Variants in RNF213 observed in about 807,000 individuals in gnomAD.
RNF213 encodes the protein E3 ubiquitin-protein ligase RNF213.
RNF213 carries 341 observed loss-of-function variants against 514.4 expected under a neutral mutation model. The observed-to-expected ratio is 0.66, with a 90% CI of 0.61 to 0.73. RNF213 has a LOEUF of 0.73. Ranked by LOEUF, RNF213 falls within the 30% of genes least tolerant of loss-of-function variation. The pLI is 0.00. For synonymous variants in RNF213, 2,655 were observed against 2,658.2 expected (o/e 1.00, Z 0.04); for missense variants, 5,767 against 6,615.6 (o/e 0.87, Z 4.45).
chr17:80,335,201 A>G (rs2077953738), intron 22 of RNF213, among the ~76,000 whole-genome samples: 1 of 152,132 alleles, frequency 6.6e-6, no homozygotes, highest in Non-Finnish European at 1.5e-5. Flanking sequence ...GGCGTGAGCA[A>G]GTACAGGCGT....
In RNF213 at chr17:80,317,077, G is replaced by A. The variant is rs562666773; in HGVS notation, c.2812-111G>A. On this transcript the variant is annotated intron_variant, in intron 15 of 67. Coordinates refer to ENST00000582970, the MANE Select transcript of RNF213 (RefSeq NM_001256071.3). This position sits in a 1 kb window ranked among gnomAD's most constrained non-coding sequence, Gnocchi z 4.1. ...GGTTGGGGAGAGCCCTGGTGTTCGC[G>A]GAGTCCCGCGCTCTCTGTATTGCCG... The A allele has an allele frequency of 8.1e-5, 95 of 1,166,692 alleles. No homozygotes were observed. The highest frequency in any genetic ancestry group is 1.1e-4 in the Non-Finnish European group (89 of 795,900). The allele number at this position is 1,166,692 out of a possible 1,614,324, so 72.3% of individuals were successfully genotyped here. A position where few individuals can be genotyped will look rare whatever the true frequency, so the allele number is the denominator to read the frequency against.
intron 21 of RNF213, 130 bp downstream of exon 21, chr17:80,332,761 G>A (rs867549626): frequency 7.3e-6 from 8 of 1,093,450 alleles, no homozygotes; most frequent in Middle Eastern, 3.1e-4. Context: ...GCTCCTGTGT[G>A]TGTGGTACTT....
intron 11 of RNF213, among the ~76,000 whole-genome samples, chr17:80,304,026 G>A (rs1240305942): frequency 1.3e-5 from 2 of 150,732 alleles, no homozygotes; most frequent in African/African-American, 4.9e-5. Context: ...TATTTACCTA[G>A]AAAGGCTAGA....
chr17:80,381,117 A>G (rs2079982046), intron 56 of RNF213, 130 bp downstream of exon 56: 3 of 925,566 alleles, frequency 3.2e-6, no homozygotes, highest in Admixed American at 1.7e-5. Flanking sequence ...ACAAAGTAAT[A>G]TACAAGTTAT....
intron 49 of RNF213, among the ~76,000 whole-genome samples, chr17:80,373,726 G>A (rs36054053): frequency 0.015 from 2,323 of 152,056 alleles, 27 homozygotes; most frequent in Middle Eastern, 0.048. Flanking sequence ...GCTGGGCACA[G>A]TGGCTCTCAC....
chr17:80,287,176 A>ACGG (rs2044501419), intron 3 of RNF213, among the ~76,000 whole-genome samples: 1 of 127,268 alleles, frequency 7.9e-6, no homozygotes, highest in African/African-American at 3.3e-5. Flanking sequence ...CCTGAGCAAC[A>ACGG]TGGGAGACTC....
At chr17:80,303,178 A>C (rs926598238) in intron 11 of RNF213, among the ~76,000 whole-genome samples, 10 of 152,178 alleles carry the variant, frequency 6.6e-5, no homozygotes, top group Admixed American at 4.6e-4. Flanking sequence ...GCAGGCAGTT[A>C]ATACATCAGT....
rs763130760 is a variant in RNF213 at position 80,372,714 on chromosome 17, C to T, written c.12731C>T (p.Ser4244Leu). 2.5e-5 allele frequency: 41 copies of T among 1,613,656 alleles called. No individual in the cohort carries two copies. Among genetic ancestry groups the T allele is most frequent in the African/African-American group, 4.0e-5 (3 of 75,054 alleles). Residue 4244 changes from serine to leucine, a missense_variant, in exon 48 of 68, where the codon TCG becomes TTG. Physicochemically the swap from Ser to Leu is moderately radical, Grantham distance 145 (BLOSUM62 -2). This residue lies in a region of RNF213 where 1,245 missense variants were observed against 1,339.0 expected (regional missense o/e 0.93). Coordinates refer to ENST00000582970, the MANE Select transcript of RNF213 (RefSeq NM_001256071.3). ...CTCGACAGAGCTGCAGATTTCCTCTCGGAGCCTGAGGGAGGCCCAGGCAAG... is the reference window on the plus strand; with the variant it reads ...CTCGACAGAGCTGCAGATTTCCTCTTGGAGCCTGAGGGAGGCCCAGGCAAG... ...LCLDRAADFL[S>L]EPEGGPEMAK...
intron 8 of RNF213, 74 bp downstream of exon 8, chr17:80,291,901 T>C (rs1219476178): frequency 2.6e-6 from 4 of 1,518,084 alleles, no homozygotes; most frequent in Non-Finnish European, 3.6e-6. Context: ...TGGACGCGTC[T>C]CTCTGGAGAG....
rs1480688922 is a variant in RNF213, at chr17:80,397,331, GGGA to G, written c.*3838_*3840del. On this transcript the variant is annotated 3_prime_UTR_variant, in exon 68 of 68. Transcript: ENST00000582970. ...GTGAAATATCTGTCAGTGCTCTTAA[GGGA>G]GGAGACCACCCCACATATTGTCTTA... 1 of 152,080 alleles carries G rather than the reference GGGA, an allele frequency of 6.6e-6. No homozygotes were observed. Among genetic ancestry groups the G allele is most frequent in the African/African-American group, 2.4e-5 (1 of 41,402 alleles). The allele number at this position is 152,080 out of a possible 1,614,324, so 9.4% of individuals were successfully genotyped here. A position where few individuals can be genotyped will look rare whatever the true frequency, so the allele number is the denominator to read the frequency against.
At chr17:80,321,548 T>G (rs1438017325) in intron 17 of RNF213, 5 of 152,224 alleles carry the variant, frequency 3.3e-5, no homozygotes, top group Non-Finnish European at 7.3e-5. Context: ...AATCATATGG[T>G]AACTCCATGT....
chr17:80,382,368 T>C (rs115828600), intron 57 of RNF213: 38 of 157,302 alleles, frequency 2.4e-4, no homozygotes, highest in African/African-American at 7.9e-4. Context: ...ACAATGACCA[T>C]TGTGAGGACA....
At position 80,376,452 on chromosome 17, in the gene RNF213, T is replaced by C; in HGVS notation, c.13337T>C (p.Met4446Thr). Residue 4446 changes from methionine to threonine, a missense_variant, in exon 52 of 68, where the codon ATG becomes ACG. Physicochemically the swap from Met to Thr is moderately conservative, Grantham distance 81. This residue lies in a region of RNF213 where 1,245 missense variants were observed against 1,339.0 expected (regional missense o/e 0.93). Coordinates refer to ENST00000582970, the MANE Select transcript of RNF213 (RefSeq NM_001256071.3). ...DSNLDGTVTE[M>T]AIHAAAVLLC... ...AACCTTGATGGAACGGTGACAGAAA[T>C]GGCCATTCATGCTGCAGCCGTCCTT... is the stretch of plus-strand genomic sequence containing the variant. 6.2e-7 allele frequency: 1 copy of C among 1,614,152 alleles called. No individual in the cohort carries two copies. Among genetic ancestry groups the C allele is most frequent in the Non-Finnish European group, 8.5e-7 (1 of 1,180,028 alleles).
Position 80,369,570 on chromosome 17 carries a change from C to T in RNF213, c.12224C>T (p.Thr4075Ile), listed in dbSNP as rs779329108. ...AGTTTCTTCGTAGACCTGGTGTCCA[C>T]CATTTGCTTCAAGGACAACGCTCCG... ...CNSFFVDLVS[T>I]ICFKDNAPPE... The change falls in exon 45 of 68, where the codon ACC becomes ATC. Residue 4075 changes from threonine to isoleucine, a missense_variant. Physicochemically the swap from Thr to Ile is moderately conservative, Grantham distance 89. Transcript: ENST00000582970. 15 of 1,614,072 alleles carry T rather than the reference C, an allele frequency of 9.3e-6. No homozygotes were observed. In the Admixed American group the frequency reaches 1.2e-4, roughly 13 times the overall value.
At chr17:80,381,462 T>C (rs1186659202) in intron 56 of RNF213, 85 bp from the exon 57 acceptor site, 14 of 1,388,994 alleles carry the variant, frequency 1.0e-5, no homozygotes, top group Middle Eastern at 3.6e-4. Flanking sequence ...ATGCTGGTGC[T>C]CCACTCCCAA....
intron 10 of RNF213, 142 bp from the exon 11 acceptor site, chr17:80,298,179 G>A (rs1238486270): frequency 1.4e-5 from 11 of 812,840 alleles, no homozygotes; most frequent in East Asian, 2.7e-5. Flanking sequence ...TGTCTCCTGC[G>A]TGAGTTAAAC....
In RNF213 at chr17:80,354,580, C is replaced by A. The variant is rs756945622; in HGVS notation, c.10862+4C>A. 1.2e-6 allele frequency: 2 copies of A among 1,614,152 alleles called. No homozygotes were observed. The highest frequency in any genetic ancestry group is 1.7e-6 in the Non-Finnish European group (2 of 1,180,032). On this transcript the variant is annotated splice_donor_region_variant and intron_variant, in intron 36 of 67. Transcript: ENST00000582970. Reference sequence around the variant, plus strand: ...TCCAGGAGGCGGGCACATTCAGGTACTGTGACTAAAGGAAGCAAGGAGTGG... The same window carrying A: ...TCCAGGAGGCGGGCACATTCAGGTAATGTGACTAAAGGAAGCAAGGAGTGG...
intron 55 of RNF213, 83 bp from the exon 56 acceptor site, chr17:80,380,748 G>A: frequency 1.3e-6 from 2 of 1,492,884 alleles, no homozygotes. Flanking sequence ...TCAGCCGTAA[G>A]CCTCACTCCA....
intron 63 of RNF213, 100 bp from the exon 64 acceptor site, chr17:80,388,512 C>G: frequency 2.5e-6 from 2 of 816,306 alleles, no homozygotes; most frequent in Non-Finnish European, 4.3e-6. Flanking sequence ...GGCAGCGCGG[C>G]ACTACGCTGC....
Sources: allele counts gnomAD v4.1 joint callset (sites outside exome capture counted in the v4.1 genomes callset), GRCh38; gene constraint gnomAD v4.1.1; regional missense constraint gnomAD v4.1.1; non-coding constraint Gnocchi (gnomAD v3.1); transcripts MANE v1.5; gene names NCBI Gene and HGNC (gene_info 2026-07-23, HGNC 2026-07-21).